COG5: variants seen among roughly 807,000 people sequenced by gnomAD.
The protein encoded by COG5 is component of oligomeric golgi complex 5.
Under a neutral mutation model 110.4 loss-of-function variants are expected in COG5, and 86 were observed. That is an observed-to-expected ratio of 0.78 (90% CI 0.65 to 0.93). The LOEUF (loss-of-function observed/expected upper bound fraction) is 0.93, where lower values mean the gene tolerates loss of function less well. Ranked by LOEUF, COG5 falls within the 40% of genes least tolerant of loss-of-function variation. The pLI is 0.00. For missense variants in COG5, 1,077 were observed against 987.0 expected (o/e 1.09, Z -1.22); for synonymous variants, 360 against 334.6 (o/e 1.08, Z -0.83).
chr7:107,258,619 T>C (rs553028372), intron 14 of COG5: 18 of 563,816 alleles, frequency 3.2e-5, no homozygotes, highest in Non-Finnish European at 5.1e-5. Context: ...GGAAGCACAA[T>C]TGGTCTTGCA....
intron 21 of COG5, chr7:107,208,713 TAAGC>T (rs1465065298): frequency 1.0e-6 from 1 of 985,274 alleles, no homozygotes; most frequent in African/African-American, 1.7e-5. Flanking sequence ...GAGTAACAGA[TAAGC>T]AAGGAAAAAG....
At chr7:107,255,065 T>C (rs1175831804) in intron 16 of COG5, among the ~76,000 whole-genome samples, 2 of 152,180 alleles carry the variant, frequency 1.3e-5, no homozygotes, top group African/African-American at 4.8e-5. Flanking sequence ...TAAATGCTTA[T>C]TACGTATGAG....
chr7:107,465,578 T>C (rs951470088), intron 6 of COG5, among the ~76,000 whole-genome samples: 1 of 152,224 alleles, frequency 6.6e-6, no homozygotes, highest in Admixed American at 6.5e-5. Context: ...CAGGACTTTT[T>C]ATAGATATTG....
chr7:107,462,266 G>C (rs1264754718), intron 6 of COG5, among the ~76,000 whole-genome samples: 1 of 152,178 alleles, frequency 6.6e-6, no homozygotes, highest in Non-Finnish European at 1.5e-5. Context: ...AAGGCTAAGT[G>C]TGTGTTCACA....
At chr7:107,548,072 T>C in intron 5 of COG5, 39 bp downstream of exon 5, 1 of 1,541,290 alleles carries the variant, frequency 6.5e-7, no homozygotes, top group Non-Finnish European at 8.9e-7. Context: ...GAAAACAAAA[T>C]GAATAATAAA....
intron 6 of COG5, among the ~76,000 whole-genome samples, chr7:107,451,384 T>G (rs1321903461): frequency 1.3e-5 from 2 of 152,192 alleles, no homozygotes; most frequent in Admixed American, 1.3e-4. Flanking sequence ...GTTCTAATTA[T>G]TCAAGACTAC....
intron 10 of COG5, among the ~76,000 whole-genome samples, chr7:107,332,832 G>A (rs754327662): frequency 1.1e-4 from 16 of 152,212 alleles, no homozygotes; most frequent in Non-Finnish European, 2.4e-4. Flanking sequence ...TATTTAGATG[G>A]TAAAACACTG....
At chr7:107,337,232 T>C (rs548747181) in intron 10 of COG5, among the ~76,000 whole-genome samples, 6 of 152,178 alleles carry the variant, frequency 3.9e-5, no homozygotes, top group African/African-American at 1.2e-4. Flanking sequence ...CTATGGAAAA[T>C]AGTACAGAGA....
chr7:107,252,574 C>G (rs1482962851), intron 16 of COG5, among the ~76,000 whole-genome samples: 1 of 152,060 alleles, frequency 6.6e-6, no homozygotes, highest in Non-Finnish European at 1.5e-5. Flanking sequence ...TATTAACTTG[C>G]TACCAAAACC....
At chr7:107,317,314 AG>A (rs961074197) in intron 11 of COG5, among the ~76,000 whole-genome samples, 12 of 152,088 alleles carry the variant, frequency 7.9e-5, no homozygotes, top group African/African-American at 2.4e-4. Flanking sequence ...TTCACAAAAT[AG>A]AATACCGGAG....
chr7:107,484,899 T>C (rs1246719050), intron 6 of COG5, among the ~76,000 whole-genome samples: 1 of 152,048 alleles, frequency 6.6e-6, no homozygotes, highest in African/African-American at 2.4e-5. Context: ...AAGAGGTCAA[T>C]CAGACTGTGT....
chr7:107,435,977 T>C (rs1477638990), intron 6 of COG5, among the ~76,000 whole-genome samples: 2 of 152,116 alleles, frequency 1.3e-5, no homozygotes, highest in African/African-American at 4.8e-5. Context: ...AAGAATGAAA[T>C]CACATCATTC....
intron 6 of COG5, among the ~76,000 whole-genome samples, chr7:107,518,785 G>C (rs1261894667): frequency 2.6e-5 from 4 of 152,114 alleles, no homozygotes; most frequent in Non-Finnish European, 5.9e-5. Flanking sequence ...TTCACGACTT[G>C]AACTCACTCT....
At chr7:107,204,453 C>A (rs371693604) in intron 21 of COG5, among the ~76,000 whole-genome samples, 1 of 152,086 alleles carries the variant, frequency 6.6e-6, no homozygotes, top group Non-Finnish European at 1.5e-5. Flanking sequence ...AGAATGGCTA[C>A]GAGATTAATT....
chr7:107,527,068 A>G lies in COG5; in HGVS notation c.538+169T>C, dbSNP rs1275900040. 7.2e-5 allele frequency among the ~76,000 whole-genome samples: 11 copies of G among 152,308 alleles called. 3 individuals are homozygous for G. Among genetic ancestry groups the G allele is most frequent in the African/African-American group, 2.6e-4 (11 of 41,574 alleles). On this transcript the variant is annotated intron_variant, in intron 6 of 21. Transcript: ENST00000297135. The stretch of plus-strand genomic sequence containing the variant: ...AAATAGCATTTCAGTGAAATCAACT[A>G]CTTGTACTTACTCATTCTGAGAAGT...
At chr7:107,285,385 T>C (rs954600800) in intron 12 of COG5, among the ~76,000 whole-genome samples, 2 of 152,184 alleles carry the variant, frequency 1.3e-5, no homozygotes, top group African/African-American at 4.8e-5. Context: ...TGGCACTGAA[T>C]TATAAGAACT....
intron 12 of COG5, among the ~76,000 whole-genome samples, chr7:107,286,042 G>C (rs1398786528): frequency 1.3e-5 from 2 of 152,070 alleles, no homozygotes; most frequent in African/African-American, 4.8e-5. Context: ...TTTTCCATCC[G>C]ATTTTAGATA....
intron 16 of COG5, 27 bp downstream of exon 16, chr7:107,256,705 A>G (rs1225940305): frequency 7.8e-6 from 12 of 1,531,090 alleles, no homozygotes; most frequent in Admixed American, 3.4e-5. Flanking sequence ...ACTTTGATCT[A>G]TAGAGTCAAA....
chr7:107,311,550 C>G (rs368887921), intron 11 of COG5, among the ~76,000 whole-genome samples: 4 of 149,766 alleles, frequency 2.7e-5, no homozygotes, highest in Non-Finnish European at 5.9e-5. Flanking sequence ...CCCGCCACCG[C>G]GCCCGGCTAA....
Sources: gnomAD v4.1 joint callset for allele counts (sites outside exome capture counted in the v4.1 genomes callset) on GRCh38, gnomAD v4.1.1 for gene constraint, MANE v1.5 for transcripts, NCBI Gene and HGNC (gene_info 2026-07-23, HGNC 2026-07-21) for gene names.